The following LOC122539214 variants were observed in gnomAD, a reference collection of about 807,000 sequenced individuals.
chr19:52,665,747 G>A, the LOC122539214 span, among the ~76,000 whole-genome samples: 3 of 152,138 alleles, frequency 2.0e-5, no homozygotes, highest in African/African-American at 4.8e-5. Context: ...AATCCTAGCC[G>A]ATAGGGGAAT....
At chr19:52,678,529 T>C in the LOC122539214 span, among the ~76,000 whole-genome samples, 6 of 151,986 alleles carry the variant, frequency 3.9e-5, no homozygotes, top group Admixed American at 3.9e-4. Context: ...GTGTCTCTTT[T>C]CCTGGTTCCT....
chr19:52,669,268 C>T, the LOC122539214 span, among the ~76,000 whole-genome samples: 2 of 152,164 alleles, frequency 1.3e-5, no homozygotes, highest in African/African-American at 2.4e-5. Flanking sequence ...TTGACTCTCA[C>T]GTCTATTTAG....
At chr19:52,666,402 T>A in the LOC122539214 span, among the ~76,000 whole-genome samples, 17 of 152,212 alleles carry the variant, frequency 1.1e-4, no homozygotes, top group African/African-American at 3.4e-4. Context: ...AATACCACCC[T>A]GTTGTCAGTG....
At chr19:52,672,653 G>A in the LOC122539214 span, among the ~76,000 whole-genome samples, 2 of 152,204 alleles carry the variant, frequency 1.3e-5, no homozygotes, top group Non-Finnish European at 2.9e-5. Flanking sequence ...AGGCTGGGGT[G>A]CAATGGCACG....
chr19:52,654,098 C>G, the LOC122539214 span: 15 of 1,604,388 alleles, frequency 9.3e-6, no homozygotes, highest in East Asian at 3.1e-4. Flanking sequence ...TCGTGCAGTT[C>G]AGGCAGATGT....
the LOC122539214 span, among the ~76,000 whole-genome samples, chr19:52,678,350 T>G: frequency 6.7e-6 from 1 of 148,706 alleles, no homozygotes; most frequent in Non-Finnish European, 1.5e-5. Context: ...CTTGGGAGGC[T>G]GAGGCAGGAG....
chr19:52,652,815 A>AT, the LOC122539214 span: 1 of 915,862 alleles, frequency 1.1e-6, no homozygotes, highest in Non-Finnish European at 1.7e-6. Context: ...ACTTATAAGG[A>AT]TTTTCTCCAG....
chr19:52,660,134 C>A, the LOC122539214 span, among the ~76,000 whole-genome samples: 1 of 70,138 alleles, frequency 1.4e-5, no homozygotes, highest in African/African-American at 4.2e-5. Context: ...TGGTAAGAAT[C>A]ATGGTGGTAA....
At chr19:52,677,292 G>C in the LOC122539214 span, among the ~76,000 whole-genome samples, 1 of 124,780 alleles carries the variant, frequency 8.0e-6, no homozygotes, top group Non-Finnish European at 1.7e-5. Context: ...ATTAAAGACA[G>C]ACAAATTGAG....
At chr19:52,680,706 G>C in the LOC122539214 span, among the ~76,000 whole-genome samples, 99 of 134,710 alleles carry the variant, frequency 7.3e-4, no homozygotes, top group South Asian at 3.5e-3. Flanking sequence ...TCCGCCTCCC[G>C]GGTTCACGCC....
At chr19:52,685,780 C>A in the LOC122539214 span, among the ~76,000 whole-genome samples, 12 of 152,060 alleles carry the variant, frequency 7.9e-5, no homozygotes, top group South Asian at 2.5e-3. Flanking sequence ...CAACTGTAAT[C>A]CCAGCTACTC....
chr19:52,653,983 A>G, the LOC122539214 span: 1 of 1,410,258 alleles, frequency 7.1e-7, no homozygotes, highest in Non-Finnish European at 1.0e-6. Context: ...CCTATTAGAA[A>G]TATGGGTTTT....
chr19:52,656,608 C>T, the LOC122539214 span, among the ~76,000 whole-genome samples: 4 of 152,226 alleles, frequency 2.6e-5, no homozygotes, highest in East Asian at 7.7e-4. Flanking sequence ...TGGCTCACAC[C>T]TATAATCCGA....
chr19:52,678,436 C>T, the LOC122539214 span, among the ~76,000 whole-genome samples: 220 of 119,542 alleles, frequency 1.8e-3, 1 homozygote, highest in Middle Eastern at 7.6e-3. Context: ...GGTGACAGAG[C>T]GAGACTTCAT....
chr19:52,687,476 C>A, the LOC122539214 span, among the ~76,000 whole-genome samples: 983 of 45,634 alleles, frequency 0.022, 326 homozygotes, highest in African/African-American at 0.11. Flanking sequence ...ATTTATATAT[C>A]TATATAAATT....
At chr19:52,683,962 A>T in the LOC122539214 span, among the ~76,000 whole-genome samples, 2 of 152,182 alleles carry the variant, frequency 1.3e-5, no homozygotes, top group African/African-American at 4.8e-5. Context: ...GGGCGGGCAC[A>T]GTGACTCCCG....
At chr19:52,686,435 C>T in the LOC122539214 span, among the ~76,000 whole-genome samples, 2 of 146,934 alleles carry the variant, frequency 1.4e-5, no homozygotes, top group Non-Finnish European at 3.0e-5. Context: ...AGATTTTTCT[C>T]AAACTCCAAC....
the LOC122539214 span, among the ~76,000 whole-genome samples, chr19:52,667,566 C>T: frequency 1.3e-5 from 2 of 152,096 alleles, no homozygotes; most frequent in African/African-American, 2.4e-5. Context: ...TTTTTACCTA[C>T]ATTGAAAGAT....
At chr19:52,651,922 TAAGTC>T in the LOC122539214 span, 1 of 174,200 alleles carries the variant, frequency 5.7e-6, no homozygotes, top group East Asian at 1.9e-4. Context: ...AACTCAATGT[TAAGTC>T]AACTCAAACT....
Sources: gnomAD v4.1 joint callset for allele counts (sites outside exome capture counted in the v4.1 genomes callset) on GRCh38, gnomAD v4.1.1 for gene constraint, MANE v1.5 for transcripts.